The following EDA2R variants were observed in gnomAD, a reference collection of about 807,000 sequenced individuals.
EDA2R encodes tumor necrosis factor receptor superfamily member 27.
In EDA2R, 26 loss-of-function variants were observed where a neutral mutation model predicts 20.1. The ratio of observed to expected loss-of-function variants is 1.30; its 90% confidence interval spans 0.95 to 1.80. The LOEUF (loss-of-function observed/expected upper bound fraction) is 1.80. EDA2R is among the 40% of genes most tolerant of loss of function. The pLI, the probability that EDA2R is intolerant of heterozygous loss-of-function variation, is 0.00. For missense variants in EDA2R, 277 were observed against 228.7 expected, an observed-to-expected ratio of 1.21 and a Z score of -1.36; for synonymous variants, 114 against 88.7, an observed-to-expected ratio of 1.29 and a Z score of -1.60.
At position 66,602,790 on chromosome X, in the gene EDA2R, G is replaced by A. The variant is rs1307162051; in HGVS notation, c.360C>T (p.Phe120=). 8.5e-7 allele frequency: 1 copy of A among 1,182,457 alleles called. No homozygotes were observed. Among genetic ancestry groups the A allele is most frequent in the African/African-American group, 1.8e-5 (1 of 56,230 alleles). ...QTPTSEVQCA[F]QLSLVEADTP... is the part of the protein sequence containing the mutation. ...TATCTGCCTCCACTAAGCTCAACTG[G>A]AAGGCACCTGTGAGACAAAAAAATG... The change falls in exon 5 of 7, where the codon TTC becomes TTT. Residue 120 remains phenylalanine (F), a synonymous_variant. Coordinates refer to ENST00000374719, the MANE Select transcript of EDA2R (RefSeq NM_021783.5).
At chrX:66,608,777 T>C (rs1238690978) in intron 2 of EDA2R, among the ~76,000 whole-genome samples, 1 of 111,232 alleles carries the variant, frequency 9.0e-6, no homozygotes, top group African/African-American at 3.3e-5. Flanking sequence ...AAAAATATGA[T>C]TCCACTTACA....
chrX:66,637,556 G>A (rs759392907), intron 1 of EDA2R, among the ~76,000 whole-genome samples: 3 of 111,826 alleles, frequency 2.7e-5, no homozygotes, highest in East Asian at 5.6e-4. Context: ...CCAATTTTCC[G>A]CTAATCGTAC....
chrX:66,626,751 T>C (rs977253137), intron 1 of EDA2R, among the ~76,000 whole-genome samples: 1 of 99,620 alleles, frequency 1.0e-5, no homozygotes, highest in Admixed American at 1.1e-4. Flanking sequence ...GGAAAGAATC[T>C]TAAGATCTGT....
chrX:66,628,981 G>A (rs1284653409), intron 1 of EDA2R, among the ~76,000 whole-genome samples: 1 of 111,522 alleles, frequency 9.0e-6, no homozygotes, highest in Non-Finnish European at 1.9e-5. Context: ...ATATCAAAAA[G>A]ATAATCCACC....
intron 1 of EDA2R, among the ~76,000 whole-genome samples, chrX:66,632,666 G>T (rs754444486): frequency 1.8e-5 from 2 of 111,107 alleles, no homozygotes; most frequent in East Asian, 5.7e-4. Flanking sequence ...AAGAAGTAAG[G>T]GATGAGTAAT....
At chrX:66,599,435 G>T in intron 6 of EDA2R, 39 bp downstream of exon 6, 3 of 1,036,799 alleles carry the variant, frequency 2.9e-6, no homozygotes, top group South Asian at 5.1e-5. Context: ...TTTCTGTTTT[G>T]CTTTTTTTGT....
At chrX:66,620,144 T>C (rs1024173410) in intron 1 of EDA2R, among the ~76,000 whole-genome samples, 1 of 112,286 alleles carries the variant, frequency 8.9e-6, no homozygotes, top group South Asian at 3.7e-4. Context: ...CTATAATGTC[T>C]GTGATAGTTA....
intron 1 of EDA2R, among the ~76,000 whole-genome samples, chrX:66,628,828 C>A (rs769055636): frequency 1.8e-5 from 2 of 111,179 alleles, no homozygotes; most frequent in African/African-American, 6.5e-5. Flanking sequence ...GGAAGCCACC[C>A]TAATTCATTC....
At chrX:66,629,164 C>A (rs1440642383) in intron 1 of EDA2R, among the ~76,000 whole-genome samples, 2 of 111,517 alleles carry the variant, frequency 1.8e-5, no homozygotes, top group African/African-American at 6.5e-5. Flanking sequence ...AAACTCTCAA[C>A]AAAACCAGCA....
At position 66,602,712 on chromosome X, in the gene EDA2R, C is replaced by T. The variant is rs752471149; in HGVS notation, c.438G>A (p.Leu146=). ...GGAAGGCCAGGGTAAACACCACTAG[C>T]AGGCTGCTCACCAGTGCAACAAGTG... ...EATLVALVSS[L]LVVFTLAFLG... is the part of the protein sequence containing the mutation. The change falls in exon 5 of 7, where the codon CTG becomes CTA. Residue 146 remains leucine (L), a synonymous_variant. Transcript: ENST00000374719. 2.5e-6 allele frequency: 3 copies of T among 1,197,840 alleles called. No individual in the cohort carries two copies. Among genetic ancestry groups the T allele is most frequent in the Non-Finnish European group, 3.4e-6 (3 of 888,660 alleles).
At chrX:66,637,428 GTT>G (rs776617306) in intron 1 of EDA2R, among the ~76,000 whole-genome samples, 157 of 111,180 alleles carry the variant, frequency 1.4e-3, no homozygotes, top group African/African-American at 4.9e-3. Context: ...AGGATCTGAC[GTT>G]TTTTTTAAGC....
chrX:66,612,797 A>G (rs1268508842), intron 2 of EDA2R, among the ~76,000 whole-genome samples: 1 of 112,053 alleles, frequency 8.9e-6, no homozygotes, highest in Non-Finnish European at 1.9e-5. Flanking sequence ...TGTACTCAAT[A>G]AAAATTAAAT....
At chrX:66,623,781 T>G (rs1932837370) in intron 1 of EDA2R, among the ~76,000 whole-genome samples, 1 of 111,855 alleles carries the variant, frequency 8.9e-6, no homozygotes, top group African/African-American at 3.2e-5. Context: ...GCATGGCTAC[T>G]TCCCTCATCT....
chrX:66,631,058 T>C (rs961842011), intron 1 of EDA2R, among the ~76,000 whole-genome samples: 9 of 109,326 alleles, frequency 8.2e-5, no homozygotes, highest in African/African-American at 3.0e-4. Context: ...TATATACACA[T>C]ATATATTGAT....
At chrX:66,619,365 C>T (rs868237240) in intron 1 of EDA2R, among the ~76,000 whole-genome samples, 6 of 112,005 alleles carry the variant, frequency 5.4e-5, no homozygotes, top group Admixed American at 3.8e-4. Flanking sequence ...GGTCAACAAA[C>T]GTTTGGAAAC....
chrX:66,621,134 G>A (rs781013710), intron 1 of EDA2R, among the ~76,000 whole-genome samples: 6 of 110,378 alleles, frequency 5.4e-5, no homozygotes, highest in East Asian at 2.8e-4. Flanking sequence ...AAAATTAGCC[G>A]GGGATGGTGG....
chrX:66,628,347 T>G lies in EDA2R; in HGVS notation c.-11+10648A>C, dbSNP rs7063472. Among the ~76,000 whole-genome samples, 283 of 109,371 alleles carry G rather than the reference T, an allele frequency of 2.6e-3. 1 individual carries two copies. Among genetic ancestry groups the G allele is most frequent in the African/African-American group, 9.0e-3 (272 of 30,084 alleles). 95.0% of individuals were successfully genotyped at this position (109,371 alleles called of 115,157 possible). ...TAACCAAGATCAGAGCAGAACTAAATGAAATTGAAACAACAACAAAAAAAA... is the reference window on the plus strand; with the variant it reads ...TAACCAAGATCAGAGCAGAACTAAAGGAAATTGAAACAACAACAAAAAAAA... On this transcript the variant is annotated intron_variant, in intron 1 of 6. Coordinates refer to ENST00000374719, the MANE Select transcript of EDA2R (RefSeq NM_021783.5).
intron 1 of EDA2R, among the ~76,000 whole-genome samples, chrX:66,624,647 G>A (rs1449971100): frequency 8.9e-6 from 1 of 111,896 alleles, no homozygotes; most frequent in Non-Finnish European, 1.9e-5. Context: ...CAGACGGGAG[G>A]CAGGACTAGA....
At chrX:66,611,898 T>C (rs1362593106) in intron 2 of EDA2R, among the ~76,000 whole-genome samples, 1 of 110,776 alleles carries the variant, frequency 9.0e-6, no homozygotes, top group Admixed American at 9.6e-5. Flanking sequence ...ATAAAACTTC[T>C]GAAAACTAAA....
Sources: allele counts gnomAD v4.1 joint callset (sites outside exome capture counted in the v4.1 genomes callset), GRCh38; gene constraint gnomAD v4.1.1; transcripts MANE v1.5; gene names NCBI Gene and HGNC (gene_info 2026-07-23, HGNC 2026-07-21).